Variants in RORA observed in about 807,000 individuals in gnomAD.
The protein encoded by RORA is RAR related orphan receptor A.
RORA carries 7 observed loss-of-function variants against 69.5 expected under a neutral mutation model. That is an observed-to-expected ratio of 0.10 (90% CI 0.06 to 0.19). The LOEUF (loss-of-function observed/expected upper bound fraction) is 0.19, where lower values mean the gene tolerates loss of function less well. RORA is among the 10% of genes least tolerant of loss of function. The pLI is 1.00. For missense variants in RORA, 457 were observed against 663.0 expected, an observed-to-expected ratio of 0.69 and a Z score of 3.41; for synonymous variants, 261 against 240.8, an observed-to-expected ratio of 1.08 and a Z score of -0.78.
intron 1 of RORA, among the ~76,000 whole-genome samples, chr15:61,019,175 C>T (rs915460503): frequency 6.6e-6 from 1 of 152,188 alleles, no homozygotes; most frequent in Non-Finnish European, 1.5e-5. Flanking sequence ...ACATGCCCAG[C>T]GGAATACATT....
intron 1 of RORA, among the ~76,000 whole-genome samples, chr15:60,896,246 CTTT>C (rs1891228141): frequency 6.6e-6 from 1 of 152,224 alleles, no homozygotes; most frequent in Admixed American, 6.5e-5. Context: ...TCACACTCTT[CTTT>C]GTCTGCCCAA....
At chr15:60,630,750 G>T (rs911981517) in intron 2 of RORA, 5 of 152,264 alleles carry the variant, frequency 3.3e-5, no homozygotes, top group African/African-American at 1.2e-4. Context: ...TACCTCCTTA[G>T]AGATATAGGG....
chr15:60,704,436 G>A (rs1334449752), intron 1 of RORA, among the ~76,000 whole-genome samples: 1 of 151,436 alleles, frequency 6.6e-6, no homozygotes, highest in Non-Finnish European at 1.5e-5. Context: ...TAGAGGGTGG[G>A]GCCGAGGAAG....
intron 1 of RORA, among the ~76,000 whole-genome samples, chr15:60,863,018 A>G (rs1446896281): frequency 2.0e-5 from 3 of 152,190 alleles, no homozygotes; most frequent in East Asian, 1.9e-4. Flanking sequence ...GAGTCTTGCT[A>G]TATCTAAACT....
At chr15:61,219,693 C>T (rs1187011122) in intron 1 of RORA, among the ~76,000 whole-genome samples, 1 of 152,180 alleles carries the variant, frequency 6.6e-6, no homozygotes, top group African/African-American at 2.4e-5. Flanking sequence ...CACAGTCTTG[C>T]TGCTTACTAG....
chr15:61,041,020 A>G (rs1192144329), intron 1 of RORA: 1 of 152,224 alleles, frequency 6.6e-6, no homozygotes, highest in Non-Finnish European at 1.5e-5. Context: ...ATATTACTGG[A>G]AGCTAAAATA....
intron 1 of RORA, among the ~76,000 whole-genome samples, chr15:61,221,106 G>A (rs2080091335): frequency 6.6e-6 from 1 of 152,170 alleles, no homozygotes; most frequent in South Asian, 2.1e-4. Flanking sequence ...AGATTGTAAA[G>A]TCACCTTCAG....
rs1319766914 is a variant in RORA at position 61,126,015 on chromosome 15, T to C, written c.166+103038A>G. Reference sequence around the variant, plus strand: ...GTTGTGATCTTTTTGAAATCTTGTATTACATTAAATTATAGTTTCGCAGCT... The same window carrying C: ...GTTGTGATCTTTTTGAAATCTTGTACTACATTAAATTATAGTTTCGCAGCT... On this transcript the variant is annotated intron_variant, in intron 1 of 10. Transcript: ENST00000335670. Among the ~76,000 whole-genome samples the C allele has an allele frequency of 2.6e-5, 4 of 152,330 alleles. No individual in the cohort carries two copies. The East Asian group carries it at 7.7e-4, about 29-fold the overall frequency.
At chr15:60,822,823 A>G (rs2072909461) in intron 1 of RORA, among the ~76,000 whole-genome samples, 1 of 152,004 alleles carries the variant, frequency 6.6e-6, no homozygotes, top group African/African-American at 2.4e-5. Flanking sequence ...TAAAGGCACC[A>G]CCCCCTGGCT....
At chr15:60,872,441 A>T (rs2073567637) in intron 1 of RORA, among the ~76,000 whole-genome samples, 4 of 152,294 alleles carry the variant, frequency 2.6e-5, no homozygotes, top group Non-Finnish European at 5.9e-5. Context: ...GTGGGACAGC[A>T]AGAGAAACTT....
chr15:61,167,229 T>C (rs996926736), intron 1 of RORA, among the ~76,000 whole-genome samples: 1 of 152,220 alleles, frequency 6.6e-6, no homozygotes, highest in African/African-American at 2.4e-5. Context: ...GGAATTACTT[T>C]AAAAGATTTT....
chr15:61,153,864 G>A (rs1270471214), intron 1 of RORA, among the ~76,000 whole-genome samples: 1 of 152,176 alleles, frequency 6.6e-6, no homozygotes, highest in Non-Finnish European at 1.5e-5. Context: ...GCCGGAACAG[G>A]ACGCAGCCAT....
chr15:61,078,650 C>G (rs2078490236), intron 1 of RORA, among the ~76,000 whole-genome samples: 1 of 152,108 alleles, frequency 6.6e-6, no homozygotes, highest in Admixed American at 6.5e-5. Context: ...TAAAGTCATG[C>G]TTTGAATCCA....
intron 1 of RORA, among the ~76,000 whole-genome samples, chr15:61,113,633 T>G (rs2079025941): frequency 6.6e-6 from 1 of 152,198 alleles, no homozygotes; most frequent in African/African-American, 2.4e-5. Context: ...CTAAAATGTC[T>G]AGCTAGGAAG....
intron 1 of RORA, among the ~76,000 whole-genome samples, chr15:60,872,903 C>A (rs1217322370): frequency 2.0e-5 from 3 of 152,244 alleles, no homozygotes; most frequent in Non-Finnish European, 2.9e-5. Context: ...GTGCTCTTCA[C>A]CTGCTCTTCC....
intron 1 of RORA, among the ~76,000 whole-genome samples, chr15:60,860,059 G>A (rs1251525991): frequency 6.6e-6 from 1 of 152,182 alleles, no homozygotes; most frequent in African/African-American, 2.4e-5. Flanking sequence ...TTCATCGAAT[G>A]TGGCTGGCTT....
chr15:60,878,170 C>CAAAAAAAAAAAAAAA (rs11362081), intron 1 of RORA, among the ~76,000 whole-genome samples: 2 of 69,686 alleles, frequency 2.9e-5, no homozygotes, highest in South Asian at 6.3e-4. Context: ...ACTAAAAATA[C>CAAAAAAAAAAAAAAA]AAAAAAAAAA....
Position 60,493,927 on chromosome 15 carries a change from A to G in RORA, c.*3528T>C, listed in dbSNP as rs1477856205. The G allele has an allele frequency of 6.7e-6, 1 of 148,406 alleles. No individual in the cohort carries two copies. Among genetic ancestry groups the G allele is most frequent in the Non-Finnish European group, 1.5e-5 (1 of 67,508 alleles). 9.2% of individuals were successfully genotyped at this position (148,406 alleles called of 1,614,324 possible). A position where few individuals can be genotyped will look rare whatever the true frequency, so the allele number is the denominator to read the frequency against. ...TAGTAGCCTAGAAGCGGTCCGACGCACACACATCATACACATGCAAATCAC... is the reference window on the plus strand; with the variant it reads ...TAGTAGCCTAGAAGCGGTCCGACGCGCACACATCATACACATGCAAATCAC... On this transcript the variant is annotated 3_prime_UTR_variant, in exon 11 of 11. Coordinates refer to ENST00000335670, the MANE Select transcript of RORA (RefSeq NM_134261.3).
At chr15:60,516,185 T>TTATATATATATTTATATATATATATTTA (rs2065932931) in intron 3 of RORA, among the ~76,000 whole-genome samples, 7 of 19,270 alleles carry the variant, frequency 3.6e-4, no homozygotes, top group African/African-American at 1.7e-3. Flanking sequence ...ATATATATAT[T>TTATATATATATTTATATATATATATTTA]TATATATATA....
Sources: gnomAD v4.1 joint callset for allele counts (sites outside exome capture counted in the v4.1 genomes callset) on GRCh38, gnomAD v4.1.1 for gene constraint, MANE v1.5 for transcripts, NCBI Gene and HGNC (gene_info 2026-07-23, HGNC 2026-07-21) for gene names.